OSMR: variants seen among roughly 807,000 people sequenced by gnomAD.
The protein encoded by OSMR is oncostatin-M-specific receptor subunit beta.
OSMR carries 81 observed loss-of-function variants against 99.9 expected under a neutral mutation model. That is an observed-to-expected ratio of 0.81 (90% CI 0.68 to 0.97). The LOEUF (loss-of-function observed/expected upper bound fraction) is 0.97. OSMR is among the 50% of genes least tolerant of loss of function. OSMR has a pLI of 0.00. For synonymous variants in OSMR, 406 were observed against 410.4 expected (o/e 0.99, Z 0.13); for missense variants, 1,099 against 1,153.4 (o/e 0.95, Z 0.68).
chr5:38,933,826 A>G lies in OSMR; in HGVS notation c.*382A>G. 1 of 204,030 alleles carries G rather than the reference A, an allele frequency of 4.9e-6. No individual in the cohort carries two copies. The highest frequency in any genetic ancestry group is 1.0e-5 in the Non-Finnish European group (1 of 99,876). The allele number at this position is 204,030 out of a possible 1,614,324, so 12.6% of individuals were successfully genotyped here. On this transcript the variant is annotated 3_prime_UTR_variant, in exon 18 of 18. Transcript: ENST00000274276. ...TTTTACTGAGGAAATATTTCCATTA[A>G]CAGCAATTATTATATTGAAGGCTTT... is the stretch of plus-strand genomic sequence containing the variant.
chr5:38,921,539 T>A, intron 11 of OSMR, 76 bp from the exon 12 acceptor site: 1 of 1,606,794 alleles, frequency 6.2e-7, no homozygotes, highest in Non-Finnish European at 8.5e-7. Context: ...TGTATGTATT[T>A]ACTTTCTACC....
At chr5:38,892,550 A>C (rs1275968918) in intron 7 of OSMR, among the ~76,000 whole-genome samples, 1 of 152,146 alleles carries the variant, frequency 6.6e-6, no homozygotes, top group Non-Finnish European at 1.5e-5. Context: ...ACTAGCCAAC[A>C]CCACCGTAAC....
At chr5:38,914,865 AAACT>A (rs1248162309) in intron 9 of OSMR, among the ~76,000 whole-genome samples, 1 of 152,202 alleles carries the variant, frequency 6.6e-6, no homozygotes, top group East Asian at 1.9e-4. Flanking sequence ...AAGCGTTGAA[AAACT>A]AACTGTTGGG....
intron 1 of OSMR, among the ~76,000 whole-genome samples, chr5:38,861,627 T>G (rs1368149193): frequency 6.6e-6 from 1 of 152,236 alleles, no homozygotes; most frequent in Non-Finnish European, 1.5e-5. Context: ...CTCAATGAGC[T>G]GTTGGGTTCA....
At chr5:38,898,949 T>C (rs1283690701) in intron 7 of OSMR, among the ~76,000 whole-genome samples, 3 of 135,070 alleles carry the variant, frequency 2.2e-5, no homozygotes, top group Admixed American at 1.5e-4. Flanking sequence ...TTACATAATA[T>C]CTTTTTTTTT....
At chr5:38,907,134 A>T (rs1369474095) in intron 9 of OSMR, among the ~76,000 whole-genome samples, 1 of 152,314 alleles carries the variant, frequency 6.6e-6, no homozygotes, top group Admixed American at 6.5e-5. Flanking sequence ...TACCTAGAAA[A>T]CCCTACATTA....
chr5:38,905,591 GC>G (rs1346619453), intron 9 of OSMR, among the ~76,000 whole-genome samples: 1 of 152,140 alleles, frequency 6.6e-6, no homozygotes, highest in African/African-American at 2.4e-5. Context: ...CGCAGTAGGT[GC>G]TCTTATGATC....
intron 11 of OSMR, among the ~76,000 whole-genome samples, chr5:38,921,190 G>T (rs1746213777): frequency 6.6e-6 from 1 of 152,120 alleles, no homozygotes; most frequent in African/African-American, 2.4e-5. Context: ...ATTTTTGCAG[G>T]TCATATAGTC....
In OSMR at chr5:38,861,580, C is replaced by G. The variant is rs1453924958; in HGVS notation, c.-13-7452C>G. On this transcript the variant is annotated intron_variant, in intron 1 of 17. Transcript: ENST00000274276. ...TCTTTTCCCCACCTTTCCCCCCTCTCTATTCCACAAAACCGCCATTGTCAT... is the reference window on the plus strand; with the variant it reads ...TCTTTTCCCCACCTTTCCCCCCTCTGTATTCCACAAAACCGCCATTGTCAT... Among the ~76,000 whole-genome samples, 9 of 152,380 alleles carry G rather than the reference C, an allele frequency of 5.9e-5. No individual in the cohort carries two copies. The East Asian group carries it at 1.7e-3, about 29-fold the overall frequency.
rs1439957304 is a variant in OSMR at position 38,934,599 on chromosome 5, C to G, written c.*1155C>G. 6.6e-6 allele frequency: 1 copy of G among 152,034 alleles called. No homozygotes were observed. Among genetic ancestry groups the G allele is most frequent in the African/African-American group, 2.4e-5 (1 of 41,384 alleles). The allele number at this position is 152,034 out of a possible 1,614,324, so 9.4% of individuals were successfully genotyped here. On this transcript the variant is annotated 3_prime_UTR_variant, in exon 18 of 18. Coordinates refer to ENST00000274276, the MANE Select transcript of OSMR (RefSeq NM_003999.3). ...CACTGCAGCTTCCGCCTCCTAGATT[C>G]AAACAAACAGTTCTCCTGCCCCAGC...
At chr5:38,876,091 A>T in intron 2 of OSMR, 110 bp from the exon 3 acceptor site, 1 of 1,491,994 alleles carries the variant, frequency 6.7e-7, no homozygotes, top group South Asian at 1.3e-5. Flanking sequence ...TGCACATATG[A>T]GCAATATTTT....
At chr5:38,866,511 T>A (rs1000245036) in intron 1 of OSMR, among the ~76,000 whole-genome samples, 1 of 152,066 alleles carries the variant, frequency 6.6e-6, no homozygotes, top group African/African-American at 2.4e-5. Context: ...CACCAGTTGT[T>A]CCCCCGGGTA....
At chr5:38,936,889 A>G (rs1747071446), downstream of OSMR, among the ~76,000 whole-genome samples, 2 of 152,266 alleles carry the variant, frequency 1.3e-5, no homozygotes, top group African/African-American at 4.8e-5. Flanking sequence ...GTTTCTTAAA[A>G]TCAATACCGA....
intron 9 of OSMR, among the ~76,000 whole-genome samples, chr5:38,916,198 AACGTGTG>A (rs1719500425): frequency 1.3e-5 from 2 of 152,340 alleles, no homozygotes; most frequent in Admixed American, 1.3e-4. Flanking sequence ...CAATGATTAA[AACGTGTG>A]CCTTTTTAAG....
Position 38,919,216 on chromosome 5 carries a change from C to T in OSMR, c.1585+154C>T, listed in dbSNP as rs556983548. The T allele has an allele frequency of 1.2e-4, 188 of 1,532,604 alleles. 1 individual carries two copies. The Middle Eastern group carries it at 1.3e-3, about 11-fold the overall frequency. The allele number at this position is 1,532,604 out of a possible 1,614,324, so 94.9% of individuals were successfully genotyped here. On this transcript the variant is annotated intron_variant, in intron 11 of 17. Transcript: ENST00000274276. ...TTTTCTTTTGGGCCAGGTGTGTCAACGTGTTTCAGTGGGACAGTCCCCTCA... is the reference window on the plus strand; with the variant it reads ...TTTTCTTTTGGGCCAGGTGTGTCAATGTGTTTCAGTGGGACAGTCCCCTCA...
intron 6 of OSMR, 42 bp downstream of exon 6, chr5:38,885,526 C>G: frequency 6.2e-7 from 1 of 1,611,512 alleles, no homozygotes; most frequent in East Asian, 2.2e-5. Flanking sequence ...TTCTTCCTTG[C>G]TTGAGGTGCT....
chr5:38,919,026 G>A lies in OSMR; in HGVS notation c.1549G>A (p.Ala517Thr), dbSNP rs1243158953. ...CAACAACAGTGTGGGTGCTTCTCCT[G>A]CTTCTGTAATAGTCATCTCTGCAGA... is the stretch of plus-strand genomic sequence containing the variant. ...IANNSVGASP[A>T]SVIVISADPE... The change falls in exon 11 of 18, where the codon GCT (alanine) becomes ACT (threonine). Residue 517 changes from alanine to threonine, a missense_variant. Coordinates refer to ENST00000274276, the MANE Select transcript of OSMR (RefSeq NM_003999.3). 1.2e-6 allele frequency: 2 copies of A among 1,614,000 alleles called. No homozygotes were observed. The highest frequency in any genetic ancestry group is 1.7e-6 in the Non-Finnish European group (2 of 1,179,930).
In OSMR at chr5:38,942,115, G is replaced by A. The variant is rs1387226136; in HGVS notation, c.75-2086G>A. 7.3e-6 allele frequency: 3 copies of A among 411,950 alleles called. 1 individual carries two copies. The highest frequency in any genetic ancestry group is 1.3e-5 in the Non-Finnish European group (3 of 225,540). 25.5% of individuals were successfully genotyped at this position (411,950 alleles called of 1,614,324 possible). On this transcript the variant is annotated intron_variant and NMD_transcript_variant, in intron 1 of 2. Transcript: ENST00000508882. Reference sequence around the variant, plus strand: ...TGAACCCCTCAAAAGGCTCAACAAAGGAGAGAAGGAAGTTGTTTTGGTTAG... The same window carrying A: ...TGAACCCCTCAAAAGGCTCAACAAAAGAGAGAAGGAAGTTGTTTTGGTTAG...
intron 15 of OSMR, among the ~76,000 whole-genome samples, chr5:38,928,474 A>T (rs531966362): frequency 6.6e-6 from 1 of 152,250 alleles, no homozygotes; most frequent in African/African-American, 2.4e-5. Flanking sequence ...AAGCAAACAC[A>T]TGCTTCTTCA....
Sources: gnomAD v4.1 joint callset for allele counts (sites outside exome capture counted in the v4.1 genomes callset) on GRCh38, gnomAD v4.1.1 for gene constraint, MANE v1.5 for transcripts, NCBI Gene and HGNC (gene_info 2026-07-23, HGNC 2026-07-21) for gene names.